Variants in IKBKG observed in about 807,000 individuals in gnomAD.
IKBKG encodes NF-kappa-B essential modulator.
Under a neutral mutation model 13.7 loss-of-function variants are expected in IKBKG, and 2 were observed. The observed-to-expected ratio is 0.15, with a 90% CI of 0.06 to 0.46. The LOEUF (loss-of-function observed/expected upper bound fraction) is 0.46. IKBKG is among the 20% of genes least tolerant of loss of function. The probability of loss-of-function intolerance (pLI) is 0.98; values close to 1 mark genes in which losing one functional copy is unlikely to be tolerated. For synonymous variants in IKBKG, 22 were observed against 64.4 expected (o/e 0.34, Z 3.15); for missense variants, 53 against 150.3 (o/e 0.35, Z 3.39).
At chrX:154,548,141 A>G (rs2070808863) in intron 1 of IKBKG, 1 of 736,266 alleles carries the variant, frequency 1.4e-6, no homozygotes, top group Admixed American at 8.7e-5. Context: ...ACATCTGCCT[A>G]TCGTCATACT....
upstream of IKBKG, chrX:154,547,597 C>T: frequency 1.3e-6 from 1 of 755,058 alleles, no homozygotes; most frequent in Non-Finnish European, 1.6e-6. Flanking sequence ...GTTTTTACTT[C>T]CGGATCCCAC....
At chrX:154,543,552 C>T (rs1557232482), upstream of IKBKG, among the ~76,000 whole-genome samples, 1 of 112,257 alleles carries the variant, frequency 8.9e-6, no homozygotes, top group Non-Finnish European at 1.9e-5. Flanking sequence ...TGCTCTGTTG[C>T]AGTGCCTTGT....
chrX:154,554,870 A>T (rs1268672760), intron 2 of IKBKG, among the ~76,000 whole-genome samples: 3 of 111,738 alleles, frequency 2.7e-5, no homozygotes, highest in Admixed American at 1.9e-4. Flanking sequence ...GAGGGTTTTG[A>T]TCACGGGGTA....
At chrX:154,544,945 A>C (rs149902811), upstream of IKBKG, among the ~76,000 whole-genome samples, 1,430 of 112,522 alleles carry the variant, frequency 0.013, 25 homozygotes, top group African/African-American at 0.044. Context: ...CTCCTGCTCA[A>C]GGTTACAAGG....
upstream of IKBKG, among the ~76,000 whole-genome samples, chrX:154,546,595 G>A (rs1298176655): frequency 2.7e-5 from 3 of 110,928 alleles, no homozygotes; most frequent in Admixed American, 9.4e-5. Context: ...GGGTGACCCC[G>A]GTCGGCAAGT....
chrX:154,543,137 C>G (rs1233325587), upstream of IKBKG, among the ~76,000 whole-genome samples: 1 of 112,016 alleles, frequency 8.9e-6, no homozygotes, highest in Non-Finnish European at 1.9e-5. Context: ...ATCTCCCCCA[C>G]AGCAGGAAGA....
At position 154,547,709 on chromosome X, in the gene IKBKG, T is replaced by C; in HGVS notation, c.-52T>C. On this transcript the variant is annotated 5_prime_UTR_variant, in exon 1 of 10. Coordinates refer to ENST00000594239, the MANE Select transcript of IKBKG (RefSeq NM_001099857.5). The stretch of plus-strand genomic sequence containing the variant: ...CCTACCAGCGTTCACAGTCCGCCGC[T>C]CCCACCCTTCTCACGTCTGACGGAC... 8 of 755,015 alleles carry C rather than the reference T, an allele frequency of 1.1e-5. No individual in the cohort carries two copies. Among genetic ancestry groups the C allele is most frequent in the Non-Finnish European group, 1.3e-5 (8 of 639,479 alleles). 62.2% of individuals were successfully genotyped at this position (755,015 alleles called of 1,213,427 possible).
In IKBKG at chrX:154,553,163, A is replaced by G. The variant is rs146713404; in HGVS notation, c.187+974A>G. Among the ~76,000 whole-genome samples the G allele has an allele frequency of 5.2e-4, 58 of 112,203 alleles. No homozygotes were observed. In the East Asian group the frequency reaches 0.012, roughly 23 times the overall value. On this transcript the variant is annotated intron_variant, in intron 2 of 9. Coordinates refer to ENST00000594239, the MANE Select transcript of IKBKG (RefSeq NM_001099857.5). ...GGACTCAGGCCTAAGTGTCCACCCC[A>G]TCGTGGAGGACAACACCCCTTCCTT...
At chrX:154,552,709 C>T (rs1315096925) in intron 2 of IKBKG, among the ~76,000 whole-genome samples, 2 of 111,083 alleles carry the variant, frequency 1.8e-5, no homozygotes, top group Non-Finnish European at 3.8e-5. Flanking sequence ...GGCAACATTC[C>T]TCTGGGGCAA....
At chrX:154,546,816 G>C (rs781837306), upstream of IKBKG, 4 of 1,160,802 alleles carry the variant, frequency 3.4e-6, no homozygotes, top group African/African-American at 7.2e-5. Context: ...CGCCCTCCGC[G>C]CTCGCAGCCC....
intron 1 of IKBKG, among the ~76,000 whole-genome samples, chrX:154,549,355 T>C (rs2070862431): frequency 9.0e-6 from 1 of 110,972 alleles, no homozygotes; most frequent in Non-Finnish European, 1.9e-5. Context: ...CACCGCAACC[T>C]CCATCTCCCA....
At position 154,551,968 on chromosome X, in the gene IKBKG, C is replaced by G; in HGVS notation, c.-15-20C>G. The G allele has an allele frequency of 9.5e-7, 1 of 1,048,818 alleles. No individual in the cohort carries two copies. The allele number at this position is 1,048,818 out of a possible 1,213,427, so 86.4% of individuals were successfully genotyped here. A position where few individuals can be genotyped will look rare whatever the true frequency, so the allele number is the denominator to read the frequency against. On this transcript the variant is annotated intron_variant, in intron 1 of 9. Coordinates refer to ENST00000594239, the MANE Select transcript of IKBKG (RefSeq NM_001099857.5). ...AGGATGTGGGTCTCCTGTGACTCCC[C>G]TGCTGCCTTTCTCTTTCAGCCCTTG... is the stretch of plus-strand genomic sequence containing the variant.
intron 1 of IKBKG, chrX:154,542,241 C>T (rs1557232084): frequency 9.9e-6 from 10 of 1,006,988 alleles, no homozygotes; most frequent in East Asian, 3.4e-5. Flanking sequence ...CATTGGGATG[C>T]GTCCTGAACG....
chrX:154,542,563 G>A (rs2070546131), upstream of IKBKG: 4 of 958,022 alleles, frequency 4.2e-6, no homozygotes, highest in Non-Finnish European at 5.5e-6. Context: ...GAAGCTGGGT[G>A]TGTGGGCAAG....
In IKBKG at chrX:154,552,249, C is replaced by T. The variant is rs2070954954; in HGVS notation, c.187+60C>T. On this transcript the variant is annotated intron_variant, in intron 2 of 9. Coordinates refer to ENST00000594239, the MANE Select transcript of IKBKG (RefSeq NM_001099857.5). ...GGGGAAGGCGTCTTCTCCCCACCTG[C>T]ACCTCTGCGTTTCCTGGGCCTGGGG... is the stretch of plus-strand genomic sequence containing the variant. 4 of 1,008,398 alleles carry T rather than the reference C, an allele frequency of 4.0e-6. No individual in the cohort carries two copies. In the East Asian group the frequency reaches 1.3e-4, roughly 32 times the overall value. The allele number at this position is 1,008,398 out of a possible 1,213,427, so 83.1% of individuals were successfully genotyped here.
At chrX:154,547,288 C>G (rs1387461987), upstream of IKBKG, 1 of 739,054 alleles carries the variant, frequency 1.4e-6, no homozygotes, top group Non-Finnish European at 1.6e-6. Context: ...CCGCGCCACT[C>G]CCCCGGGAAC....
upstream of IKBKG, chrX:154,547,228 T>C (rs2070764637): frequency 1.8e-6 from 1 of 567,874 alleles, no homozygotes; most frequent in African/African-American, 2.5e-5. Flanking sequence ...GCCGGCAGCG[T>C]GGCCACGCCT....
At chrX:154,550,235 TG>T (rs1557234719) in intron 1 of IKBKG, among the ~76,000 whole-genome samples, 85 of 86,934 alleles carry the variant, frequency 9.8e-4, no homozygotes, top group African/African-American at 4.1e-3. Context: ...GATGTGCTCT[TG>T]TGTGTGTGTG....
chrX:154,544,113 A>T (rs2070612787), upstream of IKBKG, among the ~76,000 whole-genome samples: 1 of 109,534 alleles, frequency 9.1e-6, no homozygotes, highest in African/African-American at 3.3e-5. Context: ...CACCCGCTTC[A>T]GCCTCCCAAA....
Sources: gnomAD v4.1 joint callset for allele counts (sites outside exome capture counted in the v4.1 genomes callset) on GRCh38, gnomAD v4.1.1 for gene constraint, MANE v1.5 for transcripts, NCBI Gene and HGNC (gene_info 2026-07-23, HGNC 2026-07-21) for gene names.